Variants in ZNF268 observed in about 807,000 individuals in gnomAD.
ZNF268 encodes zinc finger protein 268, also known as zinc finger protein 3.
ZNF268 carries 20 observed loss-of-function variants against 29.3 expected under a neutral mutation model. The observed-to-expected ratio is 0.68, with a 90% confidence interval of 0.48 to 0.99. The LOEUF is 0.99. Ranked by LOEUF, ZNF268 falls within the 50% of genes least tolerant of loss-of-function variation. ZNF268 has a pLI of 0.00. For missense variants in ZNF268, 1,240 were observed against 1,121.6 expected, an observed-to-expected ratio of 1.11 and a Z score of -1.51; for synonymous variants, 429 against 376.9, an observed-to-expected ratio of 1.14 and a Z score of -1.60.
In ZNF268 at chr12:133,204,583, T is replaced by C. The variant is rs1042259628; in HGVS notation, c.*53T>C. On this transcript the variant is annotated 3_prime_UTR_variant, in exon 6 of 6. Transcript: ENST00000536435. ...TTCACAAGAGATAGAAACAATCATATATAAAGAGAAACTCTGTAAGTGGAA... is the reference window on the plus strand; with the variant it reads ...TTCACAAGAGATAGAAACAATCATACATAAAGAGAAACTCTGTAAGTGGAA... The C allele has an allele frequency of 6.9e-6, 9 of 1,310,146 alleles. No homozygotes were observed. The highest frequency in any genetic ancestry group is 2.5e-5 in the East Asian group (1 of 39,606). 81.2% of individuals were successfully genotyped at this position (1,310,146 alleles called of 1,614,324 possible). A position where few individuals can be genotyped will look rare whatever the true frequency, so the allele number is the denominator to read the frequency against.
At chr12:133,191,174 G>A (rs1015672605) in intron 3 of ZNF268, among the ~76,000 whole-genome samples, 13 of 151,920 alleles carry the variant, frequency 8.6e-5, no homozygotes, top group South Asian at 4.2e-4. Context: ...AAAATCAGCC[G>A]GACTTGGTGG....
chr12:133,211,021 A>G lies in ZNF268; in HGVS notation c.*6491A>G, dbSNP rs1956970918. ...CCATGCCATAATTTTGGAAAACGAA[A>G]CTGAAATAGAGTCCATCATTCCATG... On this transcript the variant is annotated 3_prime_UTR_variant, in exon 6 of 6. Transcript: ENST00000536435. 2.2e-6 allele frequency: 1 copy of G among 455,950 alleles called. No individual in the cohort carries two copies. The highest frequency in any genetic ancestry group is 2.3e-5 in the Admixed American group (1 of 42,556). 28.2% of individuals were successfully genotyped at this position (455,950 alleles called of 1,614,324 possible).
At position 133,212,484 on chromosome 12, in the gene ZNF268, T is replaced by C. The variant is rs1348655063; in HGVS notation, c.*7954T>C. 2.7e-3 allele frequency: 50 copies of C among 18,276 alleles called. 3 individuals carry two copies. Among genetic ancestry groups the C allele is most frequent in the African/African-American group, 0.022 (44 of 1,962 alleles). The allele number at this position is 18,276 out of a possible 1,614,324, so 1.1% of individuals were successfully genotyped here. On this transcript the variant is annotated 3_prime_UTR_variant, in exon 6 of 6. Transcript: ENST00000536435. Reference sequence around the variant, plus strand: ...ATATATATATATATATATATATATATATATATATATATATGTATATATACA... The same window carrying C: ...ATATATATATATATATATATATATACATATATATATATATGTATATATACA...
chr12:133,181,865 AGCCCTGGT>A lies in ZNF268; in HGVS notation c.-52-77_-52-70del, dbSNP rs988616321. 4 of 869,958 alleles carry A rather than the reference AGCCCTGGT, an allele frequency of 4.6e-6. No homozygotes were observed. The Admixed American group carries it at 8.8e-5, about 19-fold the overall frequency. The allele number at this position is 869,958 out of a possible 1,614,324, so 53.9% of individuals were successfully genotyped here. On this transcript the variant is annotated intron_variant, in intron 1 of 5. Transcript: ENST00000536435. Reference sequence around the variant, plus strand: ...AGCCTCAGCTCCGAGAATGGCAGGCAGCCCTGGTGCCTCGGACCCTCCCCCTCTGGGTT... The same window carrying A: ...AGCCTCAGCTCCGAGAATGGCAGGCAGCCTCGGACCCTCCCCCTCTGGGTT...
At position 133,189,964 on chromosome 12, in the gene ZNF268, T is replaced by C. The variant is rs565441410; in HGVS notation, c.235-1525T>C. ...CTAGGACTACAGGCATGTGCCACCA[T>C]GCCCGGCTAATTTTTTTGTATTTTT... On this transcript the variant is annotated intron_variant, in intron 3 of 5. Coordinates refer to ENST00000536435, the MANE Select transcript of ZNF268 (RefSeq NM_003415.3). Among the ~76,000 whole-genome samples, 53 of 151,456 alleles carry C rather than the reference T, an allele frequency of 3.5e-4. 1 individual carries two copies. The highest frequency in any genetic ancestry group is 3.3e-3 in the East Asian group (17 of 5,150).
At chr12:133,195,333 T>C (rs140216671) in intron 5 of ZNF268, among the ~76,000 whole-genome samples, 2,178 of 152,256 alleles carry the variant, frequency 0.014, 63 homozygotes, top group African/African-American at 0.049. Flanking sequence ...GGAACCATAT[T>C]TAATATGGTC....
intron 3 of ZNF268, among the ~76,000 whole-genome samples, chr12:133,189,404 A>G (rs1031218765): frequency 6.6e-6 from 1 of 151,910 alleles, no homozygotes; most frequent in Non-Finnish European, 1.5e-5. Flanking sequence ...TAGTAGAGAC[A>G]GGGTTTCACC....
chr12:133,200,281 A>T (rs1252825147), intron 5 of ZNF268, among the ~76,000 whole-genome samples: 3 of 152,100 alleles, frequency 2.0e-5, no homozygotes, highest in African/African-American at 7.2e-5. Flanking sequence ...TCATTTCGTT[A>T]TGTACCCCAT....
rs1207608481 is a variant in ZNF268, at chr12:133,204,487, A to G, written c.2801A>G (p.Gln934Arg). The part of the protein sequence containing the change: ...ECGKAFCWKS[Q>R]LIMHQRTHVD... ...GGGAAAGCCTTTTGTTGGAAGTCAC[A>G]GCTCATTATGCATCAGAGAACTCAT... The change falls in exon 6 of 6, where the codon CAG becomes CGG. Residue 934 changes from glutamine (Q) to arginine (R), a missense_variant. Physicochemically the swap from Gln to Arg is conservative, Grantham distance 43. Transcript: ENST00000536435. The G allele has an allele frequency of 6.5e-7, 1 of 1,539,302 alleles. No homozygotes were observed. The highest frequency in any genetic ancestry group is 2.0e-5 in the Admixed American group (1 of 50,204).
intron 2 of ZNF268, among the ~76,000 whole-genome samples, chr12:133,186,006 G>A (rs778862045): frequency 4.6e-5 from 7 of 152,082 alleles, no homozygotes; most frequent in African/African-American, 1.2e-4. Context: ...TGTCTACTAC[G>A]TATGAGGTTC....
In ZNF268 at chr12:133,204,095, A is replaced by G; in HGVS notation, c.2409A>G (p.Ser803=). The change falls in exon 6 of 6, where the codon TCA becomes TCG. Residue 803 remains serine, a synonymous_variant. Transcript: ENST00000536435. The part of the protein sequence containing the change: ...SYLIIHMRTH[S]GEKPYECNEC... Reference sequence around the variant, plus strand: ...TAATTATACACATGAGAACTCATTCAGGTGAAAAACCATATGAATGTAATG... The same window carrying G: ...TAATTATACACATGAGAACTCATTCGGGTGAAAAACCATATGAATGTAATG... 6.5e-7 allele frequency: 1 copy of G among 1,548,532 alleles called. No homozygotes were observed. The highest frequency in any genetic ancestry group is 8.7e-7 in the Non-Finnish European group (1 of 1,149,312).
In ZNF268 at chr12:133,212,475, A is replaced by G. The variant is rs1341360498; in HGVS notation, c.*7945A>G. 993 of 12,236 alleles carry G rather than the reference A, an allele frequency of 0.081. 35 individuals carry two copies. The highest frequency in any genetic ancestry group is 0.22 in the African/African-American group (953 of 4,302). The allele number at this position is 12,236 out of a possible 1,614,324, so 0.8% of individuals were successfully genotyped here. ...TATATATATATATATATATATATAT[A>G]TATATATATATATATATATATATGT... On this transcript the variant is annotated 3_prime_UTR_variant, in exon 6 of 6. Transcript: ENST00000536435.
In ZNF268 at chr12:133,203,423, AGG is replaced by A; in HGVS notation, c.1738_1739del (p.Gly580ArgfsTer5). 1 of 1,544,128 alleles carries A rather than the reference AGG, an allele frequency of 6.5e-7. No individual in the cohort carries two copies. The highest frequency in any genetic ancestry group is 1.2e-5 in the South Asian group (1 of 84,402). ...TTATTTCACACCAGAGAACTCATGC[AGG>A]AGAGAAGCCTTATGAATGCACCGAC... ...QLISHQRTHA[G>X]EKPYECTDCG... On this transcript the variant is annotated frameshift_variant, in exon 6 of 6. Coordinates refer to ENST00000536435, the MANE Select transcript of ZNF268 (RefSeq NM_003415.3). LOFTEE classifies it low-confidence loss of function (END_TRUNC).
Position 133,204,263 on chromosome 12 carries a change from AAGAG to A in ZNF268, c.2581_2584del (p.Glu861AsnfsTer82), listed in dbSNP as rs1566387486. ...TTCTTGTACACCAGAGAATGCACAC[AAGAG>A]AGAAACCATATGAATGCAGTGAGTG... On this transcript the variant is annotated frameshift_variant, in exon 6 of 6. Coordinates refer to ENST00000536435, the MANE Select transcript of ZNF268 (RefSeq NM_003415.3). LOFTEE classifies it high-confidence loss of function. The A allele has an allele frequency of 6.5e-7, 1 of 1,548,952 alleles. No homozygotes were observed. The highest frequency in any genetic ancestry group is 1.9e-5 in the Admixed American group (1 of 51,530).
At chr12:133,181,870 T>A in intron 1 of ZNF268, 76 bp from the exon 2 acceptor site, 1 of 948,936 alleles carries the variant, frequency 1.1e-6, no homozygotes, top group Non-Finnish European at 1.6e-6. Context: ...CAGGCAGCCC[T>A]GGTGCCTCGG....
At position 133,204,164 on chromosome 12, in the gene ZNF268, T is replaced by C. The variant is rs1276177607; in HGVS notation, c.2478T>C (p.His826=). Residue 826 remains histidine, a synonymous_variant, in exon 6 of 6, where the codon CAT becomes CAC. Transcript: ENST00000536435. The stretch of plus-strand genomic sequence containing the variant: ...TTTGGAAATCACTACTCATTGTACA[T>C]GAGCGAACTCATGCAGGGGTCAACC... ...AFIWKSLLIV[H]ERTHAGVNPY... The C allele has an allele frequency of 3.2e-6, 5 of 1,541,934 alleles. No individual in the cohort carries two copies.
intron 3 of ZNF268, among the ~76,000 whole-genome samples, chr12:133,190,092 G>A (rs1566368400): frequency 6.6e-6 from 1 of 152,238 alleles, no homozygotes; most frequent in Non-Finnish European, 1.5e-5. Context: ...ACAGGCGTGA[G>A]CCATGGCGCC....
chr12:133,186,540 A>AT lies in ZNF268; in HGVS notation c.34-1322dup, dbSNP rs1189890339. On this transcript the variant is annotated intron_variant, in intron 2 of 5. Transcript: ENST00000536435. ...AGGTGTACGCTGCCACGCCTGGCTG[A>AT]TTTTTTTTTTGTATTTTAGTAGAGA... 2.0e-3 allele frequency among the ~76,000 whole-genome samples: 301 copies of AT among 148,956 alleles called. 1 individual carries two copies. The highest frequency in any genetic ancestry group is 6.1e-3 in the African/African-American group (249 of 40,628).
At chr12:133,199,007 C>T (rs1462411161) in intron 5 of ZNF268, among the ~76,000 whole-genome samples, 103 of 151,212 alleles carry the variant, frequency 6.8e-4, no homozygotes, top group Non-Finnish European at 1.4e-3. Context: ...TTCCTCTTTT[C>T]CTAATTGAAT....
Sources: allele counts gnomAD v4.1 joint callset (sites outside exome capture counted in the v4.1 genomes callset), GRCh38; gene constraint gnomAD v4.1.1; transcripts MANE v1.5; gene names NCBI Gene and HGNC (gene_info 2026-07-23, HGNC 2026-07-21).